The following CFTR variants were observed in gnomAD, a reference collection of about 807,000 sequenced individuals.
The protein encoded by CFTR is cystic fibrosis transmembrane conductance regulator.
CFTR carries 181 observed loss-of-function variants against 171.6 expected under a neutral mutation model. The observed-to-expected ratio is 1.05, with a 90% CI of 0.93 to 1.19. The LOEUF is 1.19. CFTR is among the 50% of genes most tolerant of loss of function. The probability of loss-of-function intolerance (pLI) is 0.00; values close to 1 mark genes in which losing one functional copy is unlikely to be tolerated. For synonymous variants in CFTR, 583 were observed against 608.0 expected (o/e 0.96, Z 0.60); for missense variants, 1,968 against 1,734.7 (o/e 1.13, Z -2.39).
intron 11 of CFTR, among the ~76,000 whole-genome samples, chr7:117,570,217 A>G (rs1225553969): frequency 6.6e-6 from 1 of 151,896 alleles, no homozygotes; most frequent in Non-Finnish European, 1.5e-5. Flanking sequence ...ACAAACAAAA[A>G]AACAAAAAAC....
chr7:117,631,616 T>A (rs1016648111), intron 22 of CFTR, among the ~76,000 whole-genome samples: 8 of 152,200 alleles, frequency 5.3e-5, no homozygotes, highest in African/African-American at 1.9e-4. Flanking sequence ...GCCTCCAGGC[T>A]GGTGAAGACA....
chr7:117,524,499 AT>A (rs1289259922), intron 3 of CFTR, among the ~76,000 whole-genome samples: 3 of 152,220 alleles, frequency 2.0e-5, no homozygotes, highest in African/African-American at 7.2e-5. Context: ...ATCTAAAATA[AT>A]TTTAAGGATT....
chr7:117,534,182 T>C, intron 4 of CFTR, 94 bp from the exon 5 acceptor site: 2 of 676,978 alleles, frequency 3.0e-6, no homozygotes, highest in South Asian at 1.6e-5. Flanking sequence ...TAATAATGAA[T>C]GCATAATAAC....
intron 22 of CFTR, among the ~76,000 whole-genome samples, chr7:117,628,259 T>C (rs1470590417): frequency 6.6e-6 from 1 of 152,216 alleles, no homozygotes; most frequent in African/African-American, 2.4e-5. Context: ...TTATTTACTA[T>C]ATTTATTAAG....
chr7:117,539,834 A>T (rs1429809277), intron 7 of CFTR, among the ~76,000 whole-genome samples: 1 of 151,216 alleles, frequency 6.6e-6, no homozygotes, highest in Non-Finnish European at 1.5e-5. Flanking sequence ...ATAATTTAAA[A>T]ATAATATTTA....
At chr7:117,638,769 T>TAAATAAATAAATAAA (rs1344490071) in intron 22 of CFTR, among the ~76,000 whole-genome samples, 4 of 132,516 alleles carry the variant, frequency 3.0e-5, no homozygotes, top group African/African-American at 9.0e-5. Context: ...AAATAAATAA[T>TAAATAAATAAATAAA]AAAAATAAAA....
chr7:117,529,903 C>T (rs1798831505), intron 3 of CFTR, among the ~76,000 whole-genome samples: 1 of 152,074 alleles, frequency 6.6e-6, no homozygotes, highest in African/African-American at 2.4e-5. Flanking sequence ...CAGGGTTACC[C>T]TCTGATCCCT....
chr7:117,592,145 T>C lies in CFTR; in HGVS notation c.1978T>C (p.Ser660Pro). The change falls in exon 14 of 27, where the codon TCA (serine) becomes CCA (proline). Residue 660 changes from serine to proline, a missense_variant. By Grantham distance (74) the Ser-to-Pro change is moderately conservative (BLOSUM62 -1). Transcript: ENST00000003084. Reference protein sequence around the residue: ...FDQFSAERRNSILTETLHRFS... With the variant: ...FDQFSAERRNPILTETLHRFS... The stretch of plus-strand genomic sequence containing the variant: ...CCAATTTAGTGCAGAAAGAAGAAAT[T>C]CAATCCTAACTGAGACCTTACACCG... The C allele has an allele frequency of 6.2e-7, 1 of 1,614,022 alleles. No individual in the cohort carries two copies. Among genetic ancestry groups the C allele is most frequent in the Non-Finnish European group, 8.5e-7 (1 of 1,180,024 alleles).
At chr7:117,617,106 G>T (rs771295051) in intron 21 of CFTR, among the ~76,000 whole-genome samples, 1 of 152,130 alleles carries the variant, frequency 6.6e-6, no homozygotes, top group Non-Finnish European at 1.5e-5. Context: ...TGAGTTTAGA[G>T]TTGAGTTTAC....
At chr7:117,535,097 T>C in intron 5 of CFTR, 151 bp from the exon 6 acceptor site, 2 of 831,714 alleles carry the variant, frequency 2.4e-6, no homozygotes, top group South Asian at 1.4e-5. Context: ...ATGTGCTCCA[T>C]GTAATGATTA....
At chr7:117,536,413 A>G (rs1431381060) in intron 6 of CFTR, 135 bp from the exon 7 acceptor site, 3 of 891,402 alleles carry the variant, frequency 3.4e-6, no homozygotes, top group African/African-American at 1.7e-5. Context: ...TTTTGTTACC[A>G]TCTATTTGAT....
intron 22 of CFTR, among the ~76,000 whole-genome samples, chr7:117,631,051 TG>T (rs1213241483): frequency 3.3e-5 from 5 of 152,138 alleles, no homozygotes; most frequent in African/African-American, 4.8e-5. Flanking sequence ...TTGCCCAGGC[TG>T]GTCTCAAACT....
rs547028812 is a variant in CFTR at position 117,529,510 on chromosome 7, GTA to G, written c.274-1386_274-1385del. ...GTGCACATGTACCCTAAAACTTAGA[GTA>G]TAAAAAAAAAAAAAAAAAAAGTTTG... On this transcript the variant is annotated intron_variant, in intron 3 of 26. Transcript: ENST00000003084. Among the ~76,000 whole-genome samples, 237 of 95,064 alleles carry G rather than the reference GTA, an allele frequency of 2.5e-3. 2 individuals carry two copies. The highest frequency in any genetic ancestry group is 0.015 in the African/African-American group (211 of 13,862). The allele number at this position is 95,064 out of a possible 152,430, so 62.4% of individuals were successfully genotyped here. A position where few individuals can be genotyped will look rare whatever the true frequency, so the allele number is the denominator to read the frequency against.
At chr7:117,609,189 AT>A (rs760634415) in intron 18 of CFTR, among the ~76,000 whole-genome samples, 2 of 152,132 alleles carry the variant, frequency 1.3e-5, no homozygotes, top group African/African-American at 2.4e-5. Flanking sequence ...GTTCTGACAA[AT>A]TTGCTTTCCG....
rs1792038858 is a variant in CFTR at position 117,592,208 on chromosome 7, G to GAAACAAAA, written c.2048_2055dup (p.Ser686LysfsTer39). ...AGGAGATGCTCCTGTCTCCTGGACA[G>GAAACAAAA]AAACAAAAAAACAATCTTTTAAACA... is the stretch of plus-strand genomic sequence containing the variant. On this transcript the variant is annotated frameshift_variant, in exon 14 of 27. Transcript: ENST00000003084. LOFTEE classifies it high-confidence loss of function. 1 of 1,613,592 alleles carries GAAACAAAA rather than the reference G, an allele frequency of 6.2e-7. No homozygotes were observed. The highest frequency in any genetic ancestry group is 1.1e-5 in the South Asian group (1 of 91,086).
chr7:117,530,776 A>T (rs1489225084), intron 3 of CFTR, 123 bp from the exon 4 acceptor site: 1 of 711,748 alleles, frequency 1.4e-6, no homozygotes, highest in Non-Finnish European at 2.5e-6. Context: ...CACATATGGT[A>T]TGACCCTCTA....
intron 22 of CFTR, among the ~76,000 whole-genome samples, chr7:117,638,027 C>T (rs1792852541): frequency 6.6e-6 from 1 of 152,198 alleles, no homozygotes; most frequent in African/African-American, 2.4e-5. Flanking sequence ...TTGGAATTTT[C>T]TTGCTCTCAC....
chr7:117,598,957 C>T (rs1469195010), intron 15 of CFTR, among the ~76,000 whole-genome samples: 2 of 152,050 alleles, frequency 1.3e-5, no homozygotes, highest in Non-Finnish European at 2.9e-5. Flanking sequence ...TCATTAATAT[C>T]CTTAATTCTC....
At chr7:117,522,497 TG>T (rs1798700054) in intron 3 of CFTR, among the ~76,000 whole-genome samples, 1 of 152,228 alleles carries the variant, frequency 6.6e-6, no homozygotes, top group South Asian at 2.1e-4. Flanking sequence ...GCTTACACGT[TG>T]GTATCAGGCT....
Sources: gnomAD v4.1 joint callset for allele counts (sites outside exome capture counted in the v4.1 genomes callset) on GRCh38, gnomAD v4.1.1 for gene constraint, MANE v1.5 for transcripts, NCBI Gene and HGNC (gene_info 2026-07-23, HGNC 2026-07-21) for gene names.